Variants in TAOK2 observed in about 807,000 individuals in gnomAD.
TAOK2 encodes serine/threonine-protein kinase TAO2.
In TAOK2, 42 loss-of-function variants were observed where a neutral mutation model predicts 122.5. The ratio of observed to expected loss-of-function variants is 0.34; its 90% CI spans 0.27 to 0.44. The LOEUF (loss-of-function observed/expected upper bound fraction) is 0.44. Among genes scored for constraint, TAOK2 ranks in the 20% least tolerant of loss-of-function variants. The probability of loss-of-function intolerance (pLI) is 1.00; values close to 1 mark genes in which losing one functional copy is unlikely to be tolerated. For synonymous variants in TAOK2, 704 were observed against 677.6 expected (o/e 1.04, Z -0.61); for missense variants, 1,264 against 1,644.9 (o/e 0.77, Z 4.01).
chr16:29,974,826 C>T (rs536661382), intron 1 of TAOK2, among the ~76,000 whole-genome samples, 178 bp downstream of exon 1: 2 of 152,262 alleles, frequency 1.3e-5, no homozygotes, highest in Admixed American at 6.5e-5. Context: ...CTTCCTCTTC[C>T]CTTCATTGTG....
rs2069800653 is a variant in TAOK2, at chr16:29,986,531, C to T, written c.2259C>T (p.Gly753=). Residue 753 remains glycine (G), a synonymous_variant, in exon 16 of 16, where the codon GGC becomes GGT. Transcript: ENST00000308893. The surrounding 1 kb of genome is among the most constrained non-coding windows in gnomAD (Gnocchi z 4.2). ...TACGTGCAGGCCAGCGCCCCCCGGG[C>T]CTTCCACTCCCCATTCCTGGGGCTC... is the stretch of plus-strand genomic sequence containing the variant. The part of the protein sequence containing the change: ...LKVRAGQRPP[G]LPLPIPGALG... 1 of 1,612,998 alleles carries T rather than the reference C, an allele frequency of 6.2e-7. No homozygotes were observed. The highest frequency in any genetic ancestry group is 1.3e-5 in the African/African-American group (1 of 74,916).
downstream of TAOK2, chr16:29,991,741 C>T: frequency 3.4e-6 from 3 of 873,998 alleles, no homozygotes; most frequent in Non-Finnish European, 4.7e-6. The surrounding 1 kb of genome is among the most constrained non-coding windows in gnomAD (Gnocchi z 5.6). Context: ...GGCCCAGGGC[C>T]AGCTTGGCGA....
chr16:29,980,793 GA>G (rs1023489738), intron 8 of TAOK2: 30 of 152,106 alleles, frequency 2.0e-4, no homozygotes, highest in African/African-American at 6.5e-4. Context: ...CTCTACTATT[GA>G]AAAAAATATA....
chr16:29,977,034 G>A (rs1294207850), intron 1 of TAOK2, among the ~76,000 whole-genome samples: 1 of 152,200 alleles, frequency 6.6e-6, no homozygotes, highest in Non-Finnish European at 1.5e-5. Flanking sequence ...CTCAGTAAAT[G>A]TTATTTGTAC....
At chr16:29,975,208 A>G (rs1400653025) in intron 1 of TAOK2, among the ~76,000 whole-genome samples, 1 of 152,162 alleles carries the variant, frequency 6.6e-6, no homozygotes, top group Admixed American at 6.5e-5. Context: ...GATGGTGTCA[A>G]TAATCTCATC....
chr16:29,988,234 C>G lies in TAOK2; in HGVS notation c.*254C>G. The G allele has an allele frequency of 1.4e-6, 2 of 1,450,072 alleles. No homozygotes were observed. Among genetic ancestry groups the G allele is most frequent in the South Asian group, 1.5e-5 (1 of 68,664 alleles). The allele number at this position is 1,450,072 out of a possible 1,614,324, so 89.8% of individuals were successfully genotyped here. ...GCCCGCTGTGTGTGCTCATCCTCAC[C>G]CTCATTGACTCAGGCCTGGGGCCAG... On this transcript the variant is annotated 3_prime_UTR_variant, in exon 16 of 16. Coordinates refer to ENST00000308893, the MANE Select transcript of TAOK2 (RefSeq NM_016151.4).
chr16:29,991,306 C>A (rs746771770), downstream of TAOK2: 6 of 1,611,086 alleles, frequency 3.7e-6, no homozygotes, highest in South Asian at 1.1e-5. The surrounding 1 kb of genome is among the most constrained non-coding windows in gnomAD (Gnocchi z 5.6). Context: ...CCAGGCATGC[C>A]CCCTCCAGCC....
chr16:29,985,149 C>T lies in TAOK2; in HGVS notation c.1423-64C>T. 3 of 1,456,902 alleles carry T rather than the reference C, an allele frequency of 2.1e-6. No individual in the cohort carries two copies. In the South Asian group the frequency reaches 4.8e-5, roughly 24 times the overall value. The allele number at this position is 1,456,902 out of a possible 1,614,324, so 90.2% of individuals were successfully genotyped here. The stretch of plus-strand genomic sequence containing the variant: ...AACCCATGCTCTTCCCCACGGAAGA[C>T]CCCTTGTGTTAATTAACTAGGGGCC... On this transcript the variant is annotated intron_variant, in intron 13 of 15. Transcript: ENST00000308893. This position sits in a 1 kb window ranked among gnomAD's most constrained non-coding sequence, Gnocchi z 6.9.
At position 29,979,382 on chromosome 16, in the gene TAOK2, G is replaced by T; in HGVS notation, c.564-35G>T. ...GAGTAGGAGTGACAGGGTCTCGGCG[G>T]GTGATTTGCCTCTCTCTCCTGACCA... On this transcript the variant is annotated intron_variant, in intron 7 of 15. Transcript: ENST00000308893. The surrounding 1 kb of genome is among the most constrained non-coding windows in gnomAD (Gnocchi z 4.1). 6.2e-7 allele frequency: 1 copy of T among 1,605,428 alleles called. No homozygotes were observed. The highest frequency in any genetic ancestry group is 8.5e-7 in the Non-Finnish European group (1 of 1,174,056).
downstream of TAOK2, chr16:29,990,983 C>A (rs558749405): frequency 6.2e-7 from 1 of 1,605,856 alleles, no homozygotes; most frequent in Non-Finnish European, 8.5e-7. Context: ...GGCCCAGCCT[C>A]CAGGACTGGG....
chr16:29,978,496 C>T lies in TAOK2; in HGVS notation c.306+143C>T, dbSNP rs2069523910. 6 of 925,858 alleles carry T rather than the reference C, an allele frequency of 6.5e-6. No individual in the cohort carries two copies. In the South Asian group the frequency reaches 7.4e-5, roughly 11 times the overall value. The allele number at this position is 925,858 out of a possible 1,614,324, so 57.4% of individuals were successfully genotyped here. ...GAAGTCTCTTTTGACCGCTTTAGTC[C>T]TCAGACATACCCACTGAGCAAAAGC... On this transcript the variant is annotated intron_variant, in intron 4 of 15. Coordinates refer to ENST00000308893, the MANE Select transcript of TAOK2 (RefSeq NM_016151.4).
intron 13 of TAOK2, among the ~76,000 whole-genome samples, chr16:29,984,702 A>G (rs1265060393): frequency 6.6e-6 from 1 of 152,152 alleles, no homozygotes; most frequent in Non-Finnish European, 1.5e-5. Context: ...TTATTCCAGC[A>G]TCTTGTGGCC....
chr16:29,991,017 C>A, downstream of TAOK2: 1 of 1,582,320 alleles, frequency 6.3e-7, no homozygotes. This position sits in a 1 kb window ranked among gnomAD's most constrained non-coding sequence, Gnocchi z 5.6. Context: ...CTCCTGCCCC[C>A]GACTCTAACC....
At chr16:29,988,976 T>C, downstream of TAOK2, 1 of 985,298 alleles carries the variant, frequency 1.0e-6, no homozygotes, top group Non-Finnish European at 1.2e-6. Flanking sequence ...CCTTTGCCCC[T>C]TTCTCCTCTG....
chr16:29,980,087 T>C (rs560466828), intron 8 of TAOK2, among the ~76,000 whole-genome samples: 145 of 152,324 alleles, frequency 9.5e-4, no homozygotes, highest in Non-Finnish European at 1.6e-3. Flanking sequence ...GAACTGGGAC[T>C]AGCTTCAGTT....
Position 29,983,637 on chromosome 16 carries a change from C to T in TAOK2, c.1395C>T (p.His465=), listed in dbSNP as rs762350992. The T allele has an allele frequency of 3.5e-5, 57 of 1,612,918 alleles. No individual in the cohort carries two copies. The highest frequency in any genetic ancestry group is 5.3e-5 in the African/African-American group (4 of 74,924). ...RRRAYCRNRD[H]FATIRTASLV... ...GGGCCTACTGCCGTAACCGAGACCA[C>T]TTTGCCACCATCCGAACCGCCTCCC... The change falls in exon 13 of 16, where the codon CAC becomes CAT. Residue 465 remains histidine, a synonymous_variant. Transcript: ENST00000308893.
intron 5 of TAOK2, 50 bp from the exon 6 acceptor site, chr16:29,978,924 C>A: frequency 6.2e-7 from 1 of 1,613,358 alleles, no homozygotes; most frequent in Non-Finnish European, 8.5e-7. Flanking sequence ...GAGTTTATTC[C>A]AGTCCCACCC....
chr16:29,975,911 T>C (rs2069439540), intron 1 of TAOK2, among the ~76,000 whole-genome samples: 1 of 152,220 alleles, frequency 6.6e-6, no homozygotes, highest in Non-Finnish European at 1.5e-5. Context: ...AAGGAACTTA[T>C]TTAAAGCCCT....
Position 29,985,236 on chromosome 16 carries a change from T to G in TAOK2, c.1446T>G (p.His482Gln). Reference protein sequence around the residue: ...ASLVSRQIQEHEQDSALREQL... With the variant: ...ASLVSRQIQEQEQDSALREQL... ...AGGTCAGCCGTCAGATCCAGGAGCA[T>G]GAGCAGGACTCTGCGCTGCGGGAGC... The change falls in exon 14 of 16, where the codon CAT becomes CAG. Residue 482 changes from histidine to glutamine, a missense_variant. His to Gln is a conservative substitution (Grantham distance 24, BLOSUM62 0). This residue lies in a region of TAOK2 where 64 missense variants were observed against 115.7 expected (regional missense o/e 0.55). Coordinates refer to ENST00000308893, the MANE Select transcript of TAOK2 (RefSeq NM_016151.4). This position sits in a 1 kb window ranked among gnomAD's most constrained non-coding sequence, Gnocchi z 6.9. 3 of 1,508,526 alleles carry G rather than the reference T, an allele frequency of 2.0e-6. No individual in the cohort carries two copies. The highest frequency in any genetic ancestry group is 2.3e-5 in the East Asian group (1 of 43,452). The allele number at this position is 1,508,526 out of a possible 1,614,324, so 93.4% of individuals were successfully genotyped here. A position where few individuals can be genotyped will look rare whatever the true frequency, so the allele number is the denominator to read the frequency against.
Sources: allele counts gnomAD v4.1 joint callset (sites outside exome capture counted in the v4.1 genomes callset), GRCh38; gene constraint gnomAD v4.1.1; regional missense constraint gnomAD v4.1.1; non-coding constraint Gnocchi (gnomAD v3.1); transcripts MANE v1.5; gene names NCBI Gene and HGNC (gene_info 2026-07-23, HGNC 2026-07-21).